GPHN: variants seen among roughly 807,000 people sequenced by gnomAD.
The protein encoded by GPHN is gephyrin.
GPHN carries 17 observed loss-of-function variants against 95.5 expected under a neutral mutation model. The observed-to-expected ratio is 0.18, with a 90% CI of 0.12 to 0.27. The LOEUF is 0.27. GPHN is among the 10% of genes least tolerant of loss of function. GPHN has a pLI of 1.00. For synonymous variants in GPHN, 320 were observed against 322.5 expected (o/e 0.99, Z 0.08); for missense variants, 660 against 978.1 (o/e 0.67, Z 4.34).
the GPHN span, among the ~76,000 whole-genome samples, chr14:67,411,136 CAA>C: frequency 4.6e-4 from 24 of 52,062 alleles, no homozygotes; most frequent in Admixed American, 7.7e-4. Flanking sequence ...GACCCTGTCT[CAA>C]AAAAAAAAAA....
intron 16 of GPHN, among the ~76,000 whole-genome samples, chr14:67,115,111 A>G (rs774768490): frequency 2.6e-5 from 4 of 152,160 alleles, no homozygotes; most frequent in African/African-American, 9.7e-5. Context: ...CTGGTTCCAT[A>G]TAGCTCAACA....
At chr14:66,596,576 T>C (rs537378204) in intron 1 of GPHN, among the ~76,000 whole-genome samples, 3 of 152,274 alleles carry the variant, frequency 2.0e-5, no homozygotes, top group Non-Finnish European at 4.4e-5. Context: ...CTGCCCTGAA[T>C]GTGTGCACAC....
chr14:66,975,630 A>C (rs1308052486), intron 9 of GPHN, among the ~76,000 whole-genome samples: 1 of 152,086 alleles, frequency 6.6e-6, no homozygotes, highest in Non-Finnish European at 1.5e-5. Flanking sequence ...CTATAATCCC[A>C]GCACTTTGGG....
chr14:67,180,944 C>T lies in GPHN; in HGVS notation c.*7C>T, dbSNP rs1321366376. 6 of 1,613,628 alleles carry T rather than the reference C, an allele frequency of 3.7e-6. No homozygotes were observed. The highest frequency in any genetic ancestry group is 1.3e-5 in the African/African-American group (1 of 74,872). On this transcript the variant is annotated 3_prime_UTR_variant, in exon 23 of 23. Transcript: ENST00000478722. ...GGTCATTGGACGGCTATGATGGTCA[C>T]CAGCAGGAGAAAGCTTTGATGCATG...
At chr14:67,277,002 G>T in the GPHN span, among the ~76,000 whole-genome samples, 2 of 152,068 alleles carry the variant, frequency 1.3e-5, no homozygotes, top group Non-Finnish European at 2.9e-5. Context: ...TATAGAGAGG[G>T]TTAAGAGTTT....
chr14:66,511,189 A>G (rs369316174), intron 1 of GPHN, among the ~76,000 whole-genome samples: 1 of 152,110 alleles, frequency 6.6e-6, no homozygotes, highest in Non-Finnish European at 1.5e-5. Flanking sequence ...CTGATATACC[A>G]TATGATTTGG....
At chr14:67,657,167 T>A in the GPHN span, 2 of 152,242 alleles carry the variant, frequency 1.3e-5, no homozygotes, top group Non-Finnish European at 2.9e-5. Context: ...CCTGACTCAC[T>A]TGGCTTCTGA....
chr14:67,173,474 T>C (rs1276057058), intron 21 of GPHN, among the ~76,000 whole-genome samples: 2 of 152,142 alleles, frequency 1.3e-5, no homozygotes, highest in East Asian at 1.9e-4. Context: ...CACCTGAAGA[T>C]GCTGCATGGA....
At chr14:67,195,806 C>T in the GPHN span, among the ~76,000 whole-genome samples, 204 of 151,662 alleles carry the variant, frequency 1.3e-3, 4 homozygotes, top group East Asian at 0.023. Context: ...TGCAGTGGCA[C>T]GATCTCAGCT....
intron 1 of GPHN, among the ~76,000 whole-genome samples, chr14:66,570,843 A>C (rs551891816): frequency 6.6e-6 from 1 of 152,088 alleles, no homozygotes; most frequent in South Asian, 2.1e-4. Context: ...TGTGGTTATA[A>C]TTTGTATTTC....
At chr14:66,527,744 C>T (rs1242082612) in intron 1 of GPHN, among the ~76,000 whole-genome samples, 2 of 152,152 alleles carry the variant, frequency 1.3e-5, no homozygotes, top group African/African-American at 4.8e-5. Flanking sequence ...CATTCAGGGG[C>T]AGGTTGTTCA....
At chr14:66,616,585 T>C (rs2153303305) in intron 1 of GPHN, among the ~76,000 whole-genome samples, 1 of 152,270 alleles carries the variant, frequency 6.6e-6, no homozygotes. Flanking sequence ...GATGGGTGCC[T>C]GCTCCTTCTT....
chr14:67,725,074 T>C, the GPHN span: 172 of 1,613,868 alleles, frequency 1.1e-4, no homozygotes, highest in Non-Finnish European at 1.4e-4. Context: ...ATGAACATAC[T>C]GCTCTTTTTT....
intron 18 of GPHN, among the ~76,000 whole-genome samples, chr14:67,146,630 A>C (rs369517457): frequency 6.6e-6 from 1 of 152,312 alleles, no homozygotes; most frequent in South Asian, 2.1e-4. Flanking sequence ...GATCACAAAA[A>C]AGGCTGGTTT....
the GPHN span, among the ~76,000 whole-genome samples, chr14:67,476,650 AT>A: frequency 6.6e-6 from 1 of 152,128 alleles, no homozygotes. Flanking sequence ...TTTTACTCCC[AT>A]TTTTTTGCAG....
At chr14:67,240,327 T>C in the GPHN span, among the ~76,000 whole-genome samples, 5 of 152,060 alleles carry the variant, frequency 3.3e-5, no homozygotes, top group Admixed American at 3.3e-4. Flanking sequence ...GGGAAGAATG[T>C]GAAAGAGCTT....
intron 13 of GPHN, among the ~76,000 whole-genome samples, chr14:67,105,776 T>G (rs1416843617): frequency 6.6e-6 from 1 of 152,136 alleles, no homozygotes; most frequent in Non-Finnish European, 1.5e-5. Context: ...TTTTTTTAAA[T>G]CCATTCAGCT....
chr14:67,671,241 T>C, the GPHN span, among the ~76,000 whole-genome samples: 2 of 152,104 alleles, frequency 1.3e-5, no homozygotes, highest in Non-Finnish European at 2.9e-5. Context: ...TAGAGTATTT[T>C]GTGGTTGGGC....
At chr14:67,627,424 A>G in the GPHN span, among the ~76,000 whole-genome samples, 2 of 152,098 alleles carry the variant, frequency 1.3e-5, no homozygotes, top group African/African-American at 2.4e-5. Context: ...ATTACAAATC[A>G]TGTCTGTTGA....
Sources: gnomAD v4.1 joint callset for allele counts (sites outside exome capture counted in the v4.1 genomes callset) on GRCh38, gnomAD v4.1.1 for gene constraint, MANE v1.5 for transcripts, NCBI Gene and HGNC (gene_info 2026-07-23, HGNC 2026-07-21) for gene names.